RNF144A: variants seen among roughly 807,000 people sequenced by gnomAD.
RNF144A encodes E3 ubiquitin-protein ligase RNF144A.
RNF144A carries 11 observed loss-of-function variants against 38.7 expected under a neutral mutation model. The ratio of observed to expected loss-of-function variants is 0.28; its 90% CI spans 0.18 to 0.47. The LOEUF is 0.47. RNF144A is among the 20% of genes least tolerant of loss of function. The pLI, the probability that RNF144A is intolerant of heterozygous loss-of-function variation, is 0.99. For synonymous variants in RNF144A, 149 were observed against 143.9 expected (o/e 1.04, Z -0.25); for missense variants, 316 against 377.2 (o/e 0.84, Z 1.34).
chr2:6,996,825 G>C, intron 2 of RNF144A, 91 bp from the exon 3 acceptor site: 1 of 1,358,666 alleles, frequency 7.4e-7, no homozygotes, highest in East Asian at 2.4e-5. Context: ...CCACCTCCCT[G>C]GGTCCCAGCT....
intron 1 of RNF144A, chr2:6,918,759 G>T (rs1299230617): frequency 3.2e-5 from 1 of 31,290 alleles, no homozygotes; most frequent in Non-Finnish European, 5.9e-5. Context: ...ACGAGACTCC[G>T]TCTCAAAAAA....
chr2:7,020,196 C>T (rs1244003808), intron 5 of RNF144A, among the ~76,000 whole-genome samples: 1 of 152,136 alleles, frequency 6.6e-6, no homozygotes, highest in East Asian at 1.9e-4. Context: ...GCAGGGCTGA[C>T]CCAGGGCTCC....
In RNF144A at chr2:7,022,864, T is replaced by C. The variant is rs576741790; in HGVS notation, c.510-1505T>C. Reference sequence around the variant, plus strand: ...TGCAACAACCTTAGTTCATTCTTTATCACATTCTGCATGACCAGGTTGGTC... The same window carrying C: ...TGCAACAACCTTAGTTCATTCTTTACCACATTCTGCATGACCAGGTTGGTC... On this transcript the variant is annotated intron_variant, in intron 6 of 8. Transcript: ENST00000320892. Among the ~76,000 whole-genome samples the C allele has an allele frequency of 5.3e-5, 8 of 152,350 alleles. No homozygotes were observed. In the South Asian group the frequency reaches 1.0e-3, roughly 20 times the overall value.
chr2:6,947,791 C>T lies in RNF144A; in HGVS notation c.-12+6644C>T, dbSNP rs182305533. Among the ~76,000 whole-genome samples, 21 of 152,298 alleles carry T rather than the reference C, an allele frequency of 1.4e-4. No individual in the cohort carries two copies. The East Asian group carries it at 3.9e-3, about 28-fold the overall frequency. On this transcript the variant is annotated intron_variant, in intron 2 of 8. Coordinates refer to ENST00000320892, the MANE Select transcript of RNF144A (RefSeq NM_014746.6). ...AGGGTCTGTGGGAAGAGGTGGAGCT[C>T]GAGAATCGGTGAGGCCTGGCTCTGC... is the stretch of plus-strand genomic sequence containing the variant.
At position 6,962,071 on chromosome 2, in the gene RNF144A, C is replaced by T. The variant is rs148367751; in HGVS notation, c.-12+20924C>T. On this transcript the variant is annotated intron_variant, in intron 2 of 8. Transcript: ENST00000320892. The surrounding 1 kb of genome is among the most constrained non-coding windows in gnomAD (Gnocchi z 4.1). ...GAGAATAGCTCTCCGCTACAGAGAGCGGTCCTGGAAAAATGCGTTGTGGGA... is the reference window on the plus strand; with the variant it reads ...GAGAATAGCTCTCCGCTACAGAGAGTGGTCCTGGAAAAATGCGTTGTGGGA... Among the ~76,000 whole-genome samples the T allele has an allele frequency of 3.8e-3, 583 of 152,276 alleles. 5 individuals carry two copies. Among genetic ancestry groups the T allele is most frequent in the Middle Eastern group, 0.014 (4 of 294 alleles).
chr2:6,919,576 C>T (rs142341460), intron 1 of RNF144A, among the ~76,000 whole-genome samples: 316 of 148,620 alleles, frequency 2.1e-3, no homozygotes, highest in African/African-American at 7.4e-3. Flanking sequence ...GAGTGATTTC[C>T]GCGGTGTTGC....
chr2:7,009,370 C>T (rs989106723), intron 3 of RNF144A, among the ~76,000 whole-genome samples: 4 of 152,284 alleles, frequency 2.6e-5, no homozygotes, highest in Admixed American at 6.5e-5. Flanking sequence ...GGGAGCAGCA[C>T]GCCGATCATG....
rs138678717 is a variant in RNF144A, at chr2:7,011,200, A to G, written c.136-3254A>G. Among the ~76,000 whole-genome samples the G allele has an allele frequency of 2.4e-3, 359 of 152,346 alleles. 2 individuals are homozygous for G. The highest frequency in any genetic ancestry group is 8.0e-3 in the African/African-American group (332 of 41,574). ...ACATAGTATTATGGGATACATATAG[A>G]TAATAAAATGGTCATATAGTGAAGC... is the stretch of plus-strand genomic sequence containing the variant. On this transcript the variant is annotated intron_variant, in intron 3 of 8. Coordinates refer to ENST00000320892, the MANE Select transcript of RNF144A (RefSeq NM_014746.6).
chr2:6,964,674 C>A (rs1276342826), intron 2 of RNF144A, among the ~76,000 whole-genome samples: 1 of 152,150 alleles, frequency 6.6e-6, no homozygotes, highest in African/African-American at 2.4e-5. Context: ...TTTGTAGGGA[C>A]ATGGATGAAA....
chr2:6,979,008 T>G (rs1310693594), intron 2 of RNF144A, among the ~76,000 whole-genome samples: 3 of 152,244 alleles, frequency 2.0e-5, no homozygotes, highest in African/African-American at 7.2e-5. Flanking sequence ...TGAGCTCATC[T>G]GCACTTGGTG....
downstream of RNF144A, among the ~76,000 whole-genome samples, chr2:7,068,532 T>C (rs915046728): frequency 9.2e-5 from 14 of 152,206 alleles, no homozygotes; most frequent in African/African-American, 3.4e-4. Context: ...AGCATTGATA[T>C]GTTCATCCAG....
At chr2:6,919,588 T>G (rs903655489) in intron 1 of RNF144A, among the ~76,000 whole-genome samples, 2 of 131,422 alleles carry the variant, frequency 1.5e-5, no homozygotes, top group Non-Finnish European at 3.4e-5. Flanking sequence ...CGGTGTTGCG[T>G]GGAAGGGAAG....
At chr2:6,920,977 A>G (rs1664504365) in intron 1 of RNF144A, among the ~76,000 whole-genome samples, 1 of 152,206 alleles carries the variant, frequency 6.6e-6, no homozygotes, top group African/African-American at 2.4e-5. Context: ...ATTTTCCAAG[A>G]TCCAGAAATA....
intron 2 of RNF144A, among the ~76,000 whole-genome samples, chr2:6,992,171 G>A (rs950878888): frequency 2.0e-5 from 3 of 152,206 alleles, no homozygotes; most frequent in Non-Finnish European, 2.9e-5. Flanking sequence ...AAATGCTGTT[G>A]AGTGGAATGA....
intron 8 of RNF144A, among the ~76,000 whole-genome samples, chr2:7,030,487 C>T (rs1672225310): frequency 6.6e-6 from 1 of 152,070 alleles, no homozygotes; most frequent in Admixed American, 6.5e-5. Flanking sequence ...CAGCATCAGA[C>T]TTCAGATCAC....
chr2:7,003,436 T>G (rs1054231502), intron 3 of RNF144A, among the ~76,000 whole-genome samples: 1 of 152,344 alleles, frequency 6.6e-6, no homozygotes, highest in South Asian at 2.1e-4. Flanking sequence ...AAACCTCTTC[T>G]ATGTTTAGAA....
chr2:6,956,889 A>G (rs1667039186), intron 2 of RNF144A, among the ~76,000 whole-genome samples: 1 of 152,200 alleles, frequency 6.6e-6, no homozygotes, highest in Non-Finnish European at 1.5e-5. Flanking sequence ...CTTGTCTCAG[A>G]CTGTAGAAAA....
intron 2 of RNF144A, among the ~76,000 whole-genome samples, chr2:6,969,815 G>A (rs900400086): frequency 3.3e-5 from 5 of 152,184 alleles, no homozygotes; most frequent in Non-Finnish European, 5.9e-5. Context: ...AGGCTGGAGT[G>A]CAGTGGCATG....
rs1666124590 is a variant in RNF144A, at chr2:6,943,141, T to G, written c.-12+1994T>G. Among the ~76,000 whole-genome samples, 1 of 152,208 alleles carries G rather than the reference T, an allele frequency of 6.6e-6. No individual in the cohort carries two copies. The highest frequency in any genetic ancestry group is 6.5e-5 in the Admixed American group (1 of 15,288). ...AGATGTGATAGGAGTCTTTGGCCTC[T>G]GTTTGGTATTTCAAGGAATAAGATC... On this transcript the variant is annotated intron_variant, in intron 2 of 8. Coordinates refer to ENST00000320892, the MANE Select transcript of RNF144A (RefSeq NM_014746.6). This position sits in a 1 kb window ranked among gnomAD's most constrained non-coding sequence, Gnocchi z 4.3.
Sources: allele counts gnomAD v4.1 joint callset (sites outside exome capture counted in the v4.1 genomes callset), GRCh38; gene constraint gnomAD v4.1.1; non-coding constraint Gnocchi (gnomAD v3.1); transcripts MANE v1.5; gene names NCBI Gene and HGNC (gene_info 2026-07-23, HGNC 2026-07-21).